The following SOX5 variants were observed in gnomAD, a reference collection of about 807,000 sequenced individuals.
SOX5 encodes SRY-box transcription factor 5, also known as transcription factor SOX-5.
SOX5 carries 9 observed loss-of-function variants against 92.0 expected under a neutral mutation model. The observed-to-expected ratio is 0.10, with a 90% CI of 0.06 to 0.17. The LOEUF is 0.17. Ranked by LOEUF, SOX5 falls within the 10% of genes least tolerant of loss-of-function variation. SOX5 has a pLI of 1.00. For synonymous variants in SOX5, 344 were observed against 336.3 expected (o/e 1.02, Z -0.25); for missense variants, 642 against 944.5 (o/e 0.68, Z 4.20).
At chr12:23,578,951 G>T (rs1381693959) in intron 9 of SOX5, among the ~76,000 whole-genome samples, 4 of 151,914 alleles carry the variant, frequency 2.6e-5, no homozygotes, top group African/African-American at 9.7e-5. Flanking sequence ...ACAAAGCAAA[G>T]CAAAGCAAAG....
At chr12:23,670,528 T>A (rs969621791) in intron 6 of SOX5, among the ~76,000 whole-genome samples, 1 of 152,058 alleles carries the variant, frequency 6.6e-6, no homozygotes, top group Non-Finnish European at 1.5e-5. Flanking sequence ...CGGAGGAGGC[T>A]AGAAGACAAG....
intron 4 of SOX5, among the ~76,000 whole-genome samples, chr12:24,060,894 C>G (rs1400990919): frequency 1.3e-5 from 2 of 152,184 alleles, no homozygotes; most frequent in Non-Finnish European, 2.9e-5. Flanking sequence ...CAACTGAGCC[C>G]TGTGATCTGG....
intron 4 of SOX5, among the ~76,000 whole-genome samples, chr12:24,112,672 AG>A (rs1458886061): frequency 6.6e-6 from 1 of 151,786 alleles, no homozygotes; most frequent in African/African-American, 2.4e-5. Context: ...CTGGGACTAC[AG>A]GCATGTGCAA....
At chr12:23,909,146 T>C (rs2097324522) in intron 1 of SOX5, among the ~76,000 whole-genome samples, 1 of 152,136 alleles carries the variant, frequency 6.6e-6, no homozygotes, top group African/African-American at 2.4e-5. Context: ...AGCACAAGAT[T>C]TGCATTATAT....
chr12:23,550,748 G>GA (rs1212320068), intron 11 of SOX5, among the ~76,000 whole-genome samples: 8 of 151,540 alleles, frequency 5.3e-5, no homozygotes, highest in Non-Finnish European at 1.0e-4. Context: ...TATTTAAACT[G>GA]AAAAATTTTC....
At chr12:24,107,974 A>C (rs1039112144) in intron 4 of SOX5, among the ~76,000 whole-genome samples, 2 of 152,188 alleles carry the variant, frequency 1.3e-5, no homozygotes, top group African/African-American at 4.8e-5. Context: ...CAGAGCTTCA[A>C]ATAAAGTTTT....
chr12:23,594,712 C>T (rs1952088629), intron 9 of SOX5, among the ~76,000 whole-genome samples: 1 of 151,946 alleles, frequency 6.6e-6, no homozygotes, highest in Non-Finnish European at 1.5e-5. Context: ...ATGAAAAAAT[C>T]CTATAGGATC....
At chr12:23,937,134 C>T (rs1265375852) in intron 1 of SOX5, among the ~76,000 whole-genome samples, 2 of 150,926 alleles carry the variant, frequency 1.3e-5, no homozygotes, top group Non-Finnish European at 3.0e-5. Flanking sequence ...ATTCTAATAG[C>T]TTGATTTTCC....
intron 3 of SOX5, among the ~76,000 whole-genome samples, chr12:23,796,775 T>C (rs1007379821): frequency 1.3e-5 from 2 of 151,422 alleles, no homozygotes; most frequent in Admixed American, 1.3e-4. Context: ...TAATATAGTG[T>C]ATTTACTCAT....
intron 2 of SOX5, among the ~76,000 whole-genome samples, chr12:24,334,512 T>C (rs1483152063): frequency 6.6e-6 from 1 of 152,180 alleles, no homozygotes; most frequent in Non-Finnish European, 1.5e-5. Context: ...TTATTGCCTG[T>C]CGTTTTGCCA....
chr12:24,067,718 G>T (rs1457872976), intron 4 of SOX5, among the ~76,000 whole-genome samples: 1 of 151,908 alleles, frequency 6.6e-6, no homozygotes. Context: ...TTCTTTGATA[G>T]CTCTCAATAC....
chr12:24,545,313 A>T (rs901452946), intron 1 of SOX5, among the ~76,000 whole-genome samples: 1 of 152,156 alleles, frequency 6.6e-6, no homozygotes, highest in Admixed American at 6.5e-5. Context: ...ATTACTAATA[A>T]ACTGACATGG....
At chr12:24,052,563 A>G (rs758069534) in intron 4 of SOX5, among the ~76,000 whole-genome samples, 1 of 152,130 alleles carries the variant, frequency 6.6e-6, no homozygotes, top group African/African-American at 2.4e-5. Context: ...TTGATTTTTA[A>G]CCCTTTCACA....
intron 2 of SOX5, among the ~76,000 whole-genome samples, chr12:23,868,569 C>A (rs1304308867): frequency 1.3e-5 from 2 of 152,166 alleles, no homozygotes; most frequent in Non-Finnish European, 2.9e-5. Flanking sequence ...TGACACATAG[C>A]AGACCAAAAA....
At chr12:24,080,087 C>T (rs1943137855) in intron 4 of SOX5, among the ~76,000 whole-genome samples, 1 of 151,888 alleles carries the variant, frequency 6.6e-6, no homozygotes, top group African/African-American at 2.4e-5. Context: ...GGAATAAGTT[C>T]ATACTACTTT....
intron 6 of SOX5, among the ~76,000 whole-genome samples, chr12:23,668,610 C>G (rs940726767): frequency 1.3e-5 from 2 of 152,032 alleles, no homozygotes; most frequent in Non-Finnish European, 2.9e-5. Flanking sequence ...TAATTTCTTT[C>G]TTTTTCACTG....
intron 13 of SOX5, among the ~76,000 whole-genome samples, chr12:23,537,638 A>G (rs1940854913): frequency 6.6e-6 from 1 of 152,096 alleles, no homozygotes; most frequent in African/African-American, 2.4e-5. Context: ...TCTTTTCACT[A>G]TTAATTTTGG....
chr12:24,280,187 T>C (rs925478796), intron 2 of SOX5, among the ~76,000 whole-genome samples: 2 of 152,164 alleles, frequency 1.3e-5, no homozygotes, highest in Non-Finnish European at 2.9e-5. Flanking sequence ...TTTCTGCCAG[T>C]AAAAGGTTAC....
chr12:24,277,740 G>C (rs1944665438), intron 2 of SOX5, among the ~76,000 whole-genome samples: 1 of 151,890 alleles, frequency 6.6e-6, no homozygotes, highest in Non-Finnish European at 1.5e-5. Context: ...CTTTAGGACA[G>C]GCTAAACTAA....
Sources: gnomAD v4.1 joint callset for allele counts (sites outside exome capture counted in the v4.1 genomes callset) on GRCh38, gnomAD v4.1.1 for gene constraint, MANE v1.5 for transcripts, NCBI Gene and HGNC (gene_info 2026-07-23, HGNC 2026-07-21) for gene names.